The following ZNF37A variants were observed in gnomAD, a reference collection of about 807,000 sequenced individuals.
ZNF37A encodes the protein zinc finger protein 37A.
A neutral mutation model predicts 12.3 loss-of-function variants in ZNF37A; 10 were observed. The ratio of observed to expected loss-of-function variants is 0.82; its 90% CI spans 0.50 to 1.38. The LOEUF (loss-of-function observed/expected upper bound fraction) is 1.38, where lower values mean the gene tolerates loss of function less well. ZNF37A is among the 40% of genes most tolerant of loss of function. The pLI, the probability that ZNF37A is intolerant of heterozygous loss-of-function variation, is 0.00. For synonymous variants in ZNF37A, 207 were observed against 223.0 expected, an observed-to-expected ratio of 0.93 and a Z score of 0.64; for missense variants, 580 against 651.2, an observed-to-expected ratio of 0.89 and a Z score of 1.19.
In ZNF37A at chr10:38,117,388, A is replaced by T. The variant is rs2069354196; in HGVS notation, c.239-2A>T. 6.5e-7 allele frequency: 1 copy of T among 1,550,296 alleles called. No homozygotes were observed. ...AACCTTTCTTTTCACTCTGTATTTC[A>T]GAATTAATTAATACCAGTAGAAACT... is the stretch of plus-strand genomic sequence containing the variant. On this transcript the variant is annotated splice_acceptor_variant, in intron 7 of 7. Coordinates refer to ENST00000685332, the MANE Select transcript of ZNF37A (RefSeq NM_001324250.3). LOFTEE classifies it high-confidence loss of function.
chr10:38,097,763 A>G (rs2504141), intron 5 of ZNF37A, among the ~76,000 whole-genome samples: 73,051 of 151,454 alleles, frequency 0.48, 17,788 homozygotes, highest in East Asian at 0.55. Flanking sequence ...AACTTTCAAG[A>G]GATTCTACCT....
chr10:38,111,320 C>T lies in ZNF37A; in HGVS notation c.16-3435C>T, dbSNP rs528660043. On this transcript the variant is annotated intron_variant, in intron 5 of 7. Coordinates refer to ENST00000685332, the MANE Select transcript of ZNF37A (RefSeq NM_001324250.3). ...AACACAGGAGGGGAACATCTCATAC[C>T]AGGGCCTGTCAGGGGGTTGGGGGCT... 8.6e-5 allele frequency among the ~76,000 whole-genome samples: 13 copies of T among 151,652 alleles called. No homozygotes were observed. The East Asian group carries it at 2.5e-3, about 30-fold the overall frequency.
chr10:38,099,428 C>G (rs1286872712), intron 5 of ZNF37A, among the ~76,000 whole-genome samples: 1 of 152,174 alleles, frequency 6.6e-6, no homozygotes, highest in African/African-American at 2.4e-5. Flanking sequence ...TGTCCTCAAG[C>G]TTCCTCAGTG....
chr10:38,107,739 A>T (rs2068243809), intron 5 of ZNF37A, among the ~76,000 whole-genome samples: 1 of 152,340 alleles, frequency 6.6e-6, no homozygotes, highest in East Asian at 1.9e-4. Flanking sequence ...ACCAACGAAG[A>T]TCAAAAGAGA....
At chr10:38,124,907 A>G (rs1426587188), downstream of ZNF37A, 2 of 152,222 alleles carry the variant, frequency 1.3e-5, no homozygotes, top group African/African-American at 4.8e-5. Context: ...ACAGCCATAA[A>G]CCATGAGGTG....
exon 8 of ZNF37A, chr10:38,148,764 T>G (rs747784118): frequency 7.9e-5 from 12 of 152,234 alleles, no homozygotes; most frequent in Non-Finnish European, 1.6e-4. Flanking sequence ...CAGGGCTTCA[T>G]TATGGCCATC....
intron 5 of ZNF37A, among the ~76,000 whole-genome samples, chr10:38,102,986 C>G (rs1416574033): frequency 6.6e-6 from 1 of 152,052 alleles, no homozygotes; most frequent in Non-Finnish European, 1.5e-5. Context: ...GACTCTTTGT[C>G]TTCTGACAAT....
chr10:38,115,064 G>T, intron 6 of ZNF37A, 131 bp from the exon 7 acceptor site: 2 of 893,440 alleles, frequency 2.2e-6, no homozygotes, highest in Non-Finnish European at 3.2e-6. Flanking sequence ...AGGATTAAAT[G>T]AAGTGTGTGT....
intron 5 of ZNF37A, among the ~76,000 whole-genome samples, chr10:38,113,205 ATTTTTTTTTTT>A (rs71007697): frequency 2.6e-5 from 2 of 75,832 alleles, no homozygotes; most frequent in Non-Finnish European, 4.7e-5. Context: ...TTAGTCTGTG[ATTTTTTTTTTT>A]TTTTTTTTTT....
At chr10:38,137,558 A>T (rs1345282119) in intron 7 of ZNF37A, 1 of 152,212 alleles carries the variant, frequency 6.6e-6, no homozygotes, top group East Asian at 1.9e-4. Flanking sequence ...AGCACTCCAT[A>T]ATTAGAACAC....
chr10:38,125,705 G>T (rs2069914873), downstream of ZNF37A, among the ~76,000 whole-genome samples: 1 of 152,114 alleles, frequency 6.6e-6, no homozygotes, highest in South Asian at 2.1e-4. Context: ...CTATACAATT[G>T]ATGTTTATGG....
chr10:38,104,545 C>A (rs1342600023), intron 5 of ZNF37A, among the ~76,000 whole-genome samples: 1 of 151,650 alleles, frequency 6.6e-6, no homozygotes, highest in Non-Finnish European at 1.5e-5. Flanking sequence ...TTTCAGCCTA[C>A]CCCCCACATC....
intron 7 of ZNF37A, among the ~76,000 whole-genome samples, chr10:38,131,119 CAT>C (rs769996197): frequency 8.5e-5 from 13 of 152,122 alleles, no homozygotes; most frequent in African/African-American, 1.4e-4. Flanking sequence ...TCCTGTCAGA[CAT>C]ATGGTTGGCA....
In ZNF37A at chr10:38,119,056, G is replaced by C. The variant is rs141744986; in HGVS notation, c.*219G>C. ...CTAAAAGTGGAAAAAACTTATTGGT[G>C]AATGAATATAGGAAACATTTTGCCC... is the stretch of plus-strand genomic sequence containing the variant. On this transcript the variant is annotated 3_prime_UTR_variant, in exon 8 of 8. Coordinates refer to ENST00000685332, the MANE Select transcript of ZNF37A (RefSeq NM_001324250.3). 6 of 1,235,810 alleles carry C rather than the reference G, an allele frequency of 4.9e-6. No homozygotes were observed. In the African/African-American group the frequency reaches 7.8e-5, roughly 16 times the overall value. 76.6% of individuals were successfully genotyped at this position (1,235,810 alleles called of 1,614,324 possible).
chr10:38,112,761 T>TCGG (rs2068864235), intron 5 of ZNF37A, among the ~76,000 whole-genome samples: 3,104 of 55,530 alleles, frequency 0.056, 353 homozygotes, highest in African/African-American at 0.079. Flanking sequence ...TTTTCTTTTC[T>TCGG]TTTCTTTTCT....
intron 5 of ZNF37A, among the ~76,000 whole-genome samples, chr10:38,112,952 T>C (rs176882): frequency 0.48 from 73,115 of 150,826 alleles, 17,813 homozygotes; most frequent in East Asian, 0.55. Context: ...GGATTACAGG[T>C]GCCTGCCACC....
intron 7 of ZNF37A, among the ~76,000 whole-genome samples, chr10:38,130,938 T>G (rs765992369): frequency 1.3e-5 from 2 of 152,208 alleles, no homozygotes; most frequent in Non-Finnish European, 2.9e-5. Context: ...ATATTTGCAC[T>G]TCTCTAATGA....
rs143284532 is a variant in ZNF37A, at chr10:38,112,280, A to G, written c.16-2475A>G. On this transcript the variant is annotated intron_variant, in intron 5 of 7. Transcript: ENST00000685332. ...CACTGCTTGCTTGCACTGAGCACAG[A>G]GATTAGCCAGAAGTAAAACCTTCGG... is the stretch of plus-strand genomic sequence containing the variant. 3.3e-5 allele frequency among the ~76,000 whole-genome samples: 5 copies of G among 152,236 alleles called. No individual in the cohort carries two copies. In the East Asian group the frequency reaches 9.7e-4, roughly 29 times the overall value.
At chr10:38,147,318 C>G (rs1296735588) in exon 8 of ZNF37A, 1 of 152,126 alleles carries the variant, frequency 6.6e-6, no homozygotes, top group Non-Finnish European at 1.5e-5. Flanking sequence ...CCTCTGGATA[C>G]CAAGGGACGA....
Sources: gnomAD v4.1 joint callset for allele counts (sites outside exome capture counted in the v4.1 genomes callset) on GRCh38, gnomAD v4.1.1 for gene constraint, MANE v1.5 for transcripts, NCBI Gene and HGNC (gene_info 2026-07-23, HGNC 2026-07-21) for gene names.